ANO1: variants seen among roughly 807,000 people sequenced by gnomAD.
ANO1 encodes anoctamin-1.
Under a neutral mutation model 124.0 loss-of-function variants are expected in ANO1, and 59 were observed. That is an observed-to-expected ratio of 0.48 (90% CI 0.39 to 0.59). The LOEUF (loss-of-function observed/expected upper bound fraction) is 0.59. ANO1 is among the 20% of genes least tolerant of loss of function. The pLI is 0.00. For synonymous variants in ANO1, 529 were observed against 532.0 expected (o/e 0.99, Z 0.08); for missense variants, 1,059 against 1,328.0 (o/e 0.80, Z 3.15).
At chr11:70,110,942 T>G (rs899350470) in intron 6 of ANO1, among the ~76,000 whole-genome samples, 1 of 152,372 alleles carries the variant, frequency 6.6e-6, no homozygotes, top group Admixed American at 6.5e-5. Context: ...GGTGTTTTTA[T>G]AATGTGCCCA....
chr11:70,131,645 C>A (rs2135524196), intron 10 of ANO1, among the ~76,000 whole-genome samples: 1 of 152,340 alleles, frequency 6.6e-6, no homozygotes, highest in South Asian at 2.1e-4. Context: ...TGTTTTAAGG[C>A]AGCAACAGGG....
At position 70,165,061 on chromosome 11, in the gene ANO1, G is replaced by A. The variant is rs572882010; in HGVS notation, c.1951-409G>A. Among the ~76,000 whole-genome samples, 3 of 152,232 alleles carry A rather than the reference G, an allele frequency of 2.0e-5. No homozygotes were observed. The South Asian group carries it at 6.2e-4, about 32-fold the overall frequency. On this transcript the variant is annotated intron_variant, in intron 19 of 25. Coordinates refer to ENST00000355303, the MANE Select transcript of ANO1 (RefSeq NM_018043.7). ...AAGTGCAACATCCAGGTGTTAGCCG[G>A]GCTGTGTTCCCTTCAAGGGTTCTAG...
chr11:70,140,408 G>A (rs1024655257), intron 11 of ANO1, among the ~76,000 whole-genome samples: 1 of 152,066 alleles, frequency 6.6e-6, no homozygotes, highest in Non-Finnish European at 1.5e-5. Context: ...GCAGGTACCT[G>A]TAATCCCAGC....
intron 1 of ANO1, among the ~76,000 whole-genome samples, chr11:70,084,204 C>T (rs2044289656): frequency 6.6e-6 from 1 of 152,120 alleles, no homozygotes; most frequent in Non-Finnish European, 1.5e-5. Flanking sequence ...ACCTGCTGGG[C>T]ACTGGCACAT....
At chr11:70,033,532 G>T (rs144231458) in intron 1 of ANO1, among the ~76,000 whole-genome samples, 6 of 152,106 alleles carry the variant, frequency 3.9e-5, no homozygotes, top group African/African-American at 1.4e-4. Flanking sequence ...AGCCTGAGGC[G>T]TCTATGAGGA....
intron 16 of ANO1, among the ~76,000 whole-genome samples, chr11:70,159,445 C>T (rs1312274017): frequency 3.3e-5 from 5 of 152,224 alleles, no homozygotes; most frequent in Admixed American, 1.3e-4. Flanking sequence ...AGGGAAGTAG[C>T]CGGCTCTTTT....
chr11:70,123,704 A>G (rs1199713892), intron 8 of ANO1, among the ~76,000 whole-genome samples: 4 of 152,200 alleles, frequency 2.6e-5, no homozygotes, highest in Non-Finnish European at 5.9e-5. Flanking sequence ...CTGGGCGGGC[A>G]TGATGTATGA....
intron 9 of ANO1, among the ~76,000 whole-genome samples, chr11:70,125,001 A>C (rs972669800): frequency 1.3e-5 from 2 of 152,238 alleles, no homozygotes; most frequent in Admixed American, 1.3e-4. Context: ...CACAGCCATC[A>C]GCATGGGCCA....
Position 69,989,767 on chromosome 11 carries a change from G to T in ANO1, c.58+3601G>T, listed in dbSNP as rs150938682. On this transcript the variant is annotated intron_variant, in intron 1 of 27. Coordinates refer to the ANO1 transcript ENST00000531349. ...GCAATAATCCAGGTGCACGAGGCAG[G>T]TAGGGGAGGGTGACCCTGGGTCTAT... 6.4e-4 allele frequency among the ~76,000 whole-genome samples: 98 copies of T among 152,242 alleles called. 1 individual carries two copies. In the East Asian group the frequency reaches 0.012, roughly 19 times the overall value.
chr11:70,021,558 C>T (rs1176536909), intron 1 of ANO1, among the ~76,000 whole-genome samples: 1 of 151,818 alleles, frequency 6.6e-6, no homozygotes, highest in Non-Finnish European at 1.5e-5. Context: ...AAACTGAGGA[C>T]GTGGTTCCCA....
At chr11:70,126,224 G>T (rs546073769) in intron 10 of ANO1, 29 bp downstream of exon 10, 5 of 1,332,610 alleles carry the variant, frequency 3.8e-6, no homozygotes, top group East Asian at 2.7e-5. Context: ...CCACCACCCC[G>T]CAGTACACAG....
In ANO1 at chr11:70,152,550, C is replaced by T. The variant is rs78868911; in HGVS notation, c.1353+89C>T. 5,236 of 1,405,776 alleles carry T rather than the reference C, an allele frequency of 3.7e-3. 10 individuals are homozygous for T. Among genetic ancestry groups the T allele is most frequent in the Non-Finnish European group, 4.9e-3 (4,927 of 1,003,852 alleles). 87.1% of individuals were successfully genotyped at this position (1,405,776 alleles called of 1,614,324 possible). A position where few individuals can be genotyped will look rare whatever the true frequency, so the allele number is the denominator to read the frequency against. On this transcript the variant is annotated intron_variant, in intron 13 of 25. Transcript: ENST00000355303. ...TCTTGCACCTAATCTCTTTCTACCA[C>T]GCAGTTCCCGCAGTTCCTCCACGCG...
rs17160585 is a variant in ANO1, at chr11:70,069,583, G to A, written c.59-8959G>A. 5.3e-3 allele frequency among the ~76,000 whole-genome samples: 813 copies of A among 152,000 alleles called. 7 individuals carry two copies. The highest frequency in any genetic ancestry group is 0.018 in the African/African-American group (736 of 41,444). Reference sequence around the variant, plus strand: ...AGAAAGCCTGATTTCAGACGTAATCGTTCATGTTTAAGAAGCAGGGATGCT... The same window carrying A: ...AGAAAGCCTGATTTCAGACGTAATCATTCATGTTTAAGAAGCAGGGATGCT... On this transcript the variant is annotated intron_variant, in intron 1 of 27. Coordinates refer to the ANO1 transcript ENST00000531349.
At chr11:70,013,209 G>A (rs895502127) in intron 1 of ANO1, among the ~76,000 whole-genome samples, 1 of 152,194 alleles carries the variant, frequency 6.6e-6, no homozygotes, top group African/African-American at 2.4e-5. Flanking sequence ...TGCCTGGCAT[G>A]TTCAAGCAAC....
intron 1 of ANO1, among the ~76,000 whole-genome samples, chr11:70,009,163 C>A (rs945619403): frequency 6.6e-6 from 1 of 152,178 alleles, no homozygotes; most frequent in Non-Finnish European, 1.5e-5. Flanking sequence ...GAATTTATGC[C>A]AATTTGGAAA....
At chr11:70,134,664 ATG>A (rs1358799072) in intron 11 of ANO1, among the ~76,000 whole-genome samples, 1 of 152,098 alleles carries the variant, frequency 6.6e-6, no homozygotes, top group African/African-American at 2.4e-5. Flanking sequence ...TACTGAGCAC[ATG>A]TGTCCCACCT....
intron 1 of ANO1, among the ~76,000 whole-genome samples, chr11:70,003,568 C>T (rs1162692838): frequency 7.2e-5 from 10 of 139,036 alleles, no homozygotes; most frequent in Non-Finnish European, 1.5e-4. Flanking sequence ...AGAGCTGGGG[C>T]TTAATAAATT....
chr11:70,048,748 C>T (rs1307616459), intron 1 of ANO1, among the ~76,000 whole-genome samples: 1 of 150,228 alleles, frequency 6.7e-6, no homozygotes, highest in East Asian at 2.0e-4. Context: ...GCACAGTTAC[C>T]TTTTCCGGCC....
intron 1 of ANO1, chr11:70,085,364 G>T: frequency 6.9e-7 from 1 of 1,450,824 alleles, no homozygotes; most frequent in Non-Finnish European, 9.1e-7. Context: ...GCGTGGTCGT[G>T]GCCCCTAAGC....
Sources: gnomAD v4.1 joint callset for allele counts (sites outside exome capture counted in the v4.1 genomes callset) on GRCh38, gnomAD v4.1.1 for gene constraint, MANE v1.5 for transcripts, NCBI Gene and HGNC (gene_info 2026-07-23, HGNC 2026-07-21) for gene names.